Variants in AP3D1 observed in about 807,000 individuals in gnomAD.
The protein encoded by AP3D1 is AP-3 complex subunit delta-1.
In AP3D1, 51 loss-of-function variants were observed where a neutral mutation model predicts 147.6. The ratio of observed to expected loss-of-function variants is 0.35; its 90% CI spans 0.28 to 0.44. The LOEUF (loss-of-function observed/expected upper bound fraction) is 0.44. AP3D1 is among the 20% of genes least tolerant of loss of function. AP3D1 has a pLI of 1.00. For synonymous variants in AP3D1, 760 were observed against 663.0 expected, an observed-to-expected ratio of 1.15 and a Z score of -2.25; for missense variants, 1,421 against 1,624.2, an observed-to-expected ratio of 0.87 and a Z score of 2.15.
At chr19:2,121,591 C>T (rs931907285) in intron 12 of AP3D1, 143 bp downstream of exon 12, 31 of 1,218,974 alleles carry the variant, frequency 2.5e-5, no homozygotes, top group Middle Eastern at 2.9e-4. Context: ...CCAGGACTGG[C>T]GCCCCTCTGC....
At chr19:2,132,267 A>C (rs1046917806) in intron 5 of AP3D1, among the ~76,000 whole-genome samples, 1 of 152,222 alleles carries the variant, frequency 6.6e-6, no homozygotes, top group African/African-American at 2.4e-5. Flanking sequence ...AGATGATTTC[A>C]AATATCAACT....
chr19:2,119,850 G>A (rs2018561898), intron 14 of AP3D1, among the ~76,000 whole-genome samples: 1 of 152,112 alleles, frequency 6.6e-6, no homozygotes, highest in Non-Finnish European at 1.5e-5. Flanking sequence ...GCTGAAGCAG[G>A]ACAATCACTT....
chr19:2,107,332 A>G (rs1599437466), intron 31 of AP3D1, among the ~76,000 whole-genome samples: 1 of 152,124 alleles, frequency 6.6e-6, no homozygotes, highest in Non-Finnish European at 1.5e-5. Flanking sequence ...AGTAGTGAAC[A>G]TGAGCCAGAA....
At chr19:2,124,149 G>A (rs981797965) in intron 9 of AP3D1, among the ~76,000 whole-genome samples, 9 of 152,212 alleles carry the variant, frequency 5.9e-5, no homozygotes, top group Admixed American at 3.9e-4. Flanking sequence ...TGGTTCACTC[G>A]CAACCCCTGC....
intron 1 of AP3D1, among the ~76,000 whole-genome samples, chr19:2,146,030 GGC>G (rs2019347566): frequency 6.6e-6 from 1 of 152,082 alleles, no homozygotes; most frequent in African/African-American, 2.4e-5. Flanking sequence ...GTGGGGAGCG[GGC>G]GCTTTCCTGA....
intron 4 of AP3D1, among the ~76,000 whole-genome samples, chr19:2,133,206 G>T (rs564598494): frequency 6.6e-6 from 1 of 152,022 alleles, no homozygotes; most frequent in Non-Finnish European, 1.5e-5. Flanking sequence ...GTCCCTTTCC[G>T]CAACAACTGA....
chr19:2,102,415 G>A, intron 31 of AP3D1, 147 bp from the exon 32 acceptor site: 1 of 651,620 alleles, frequency 1.5e-6, no homozygotes, highest in Non-Finnish European at 2.7e-6. Context: ...TCAACACGGT[G>A]AAACCCTGTC....
intron 1 of AP3D1, among the ~76,000 whole-genome samples, chr19:2,147,298 T>C (rs1321596929): frequency 2.9e-5 from 4 of 136,970 alleles, no homozygotes; most frequent in Non-Finnish European, 4.5e-5. Context: ...TGAGCCGAGA[T>C]CGCGCCATTG....
Position 2,123,354 on chromosome 19 carries a change from T to A in AP3D1, c.955+4A>T, listed in dbSNP as rs1301914893. The A allele has an allele frequency of 6.2e-7, 1 of 1,612,866 alleles. No homozygotes were observed. The highest frequency in any genetic ancestry group is 8.5e-7 in the Non-Finnish European group (1 of 1,179,888). On this transcript the variant is annotated splice_donor_region_variant and intron_variant, in intron 11 of 31. Coordinates refer to ENST00000643116, the MANE Select transcript of AP3D1 (RefSeq NM_001261826.3). ...ATGACAGCACTGGGGAGGGGATGACTCACAGTTCTGATCGGAGTCCTCGAT... is the reference window on the plus strand; with the variant it reads ...ATGACAGCACTGGGGAGGGGATGACACACAGTTCTGATCGGAGTCCTCGAT...
chr19:2,139,437 C>T (rs942941833), intron 1 of AP3D1, among the ~76,000 whole-genome samples: 10 of 152,168 alleles, frequency 6.6e-5, no homozygotes, highest in East Asian at 1.9e-4. Flanking sequence ...TCACTAACTG[C>T]GCGTGTCTCC....
chr19:2,151,027 G>A (rs924455714), intron 1 of AP3D1, among the ~76,000 whole-genome samples: 4 of 152,258 alleles, frequency 2.6e-5, no homozygotes, highest in Non-Finnish European at 5.9e-5. Flanking sequence ...CTGCTCCAAG[G>A]CCTTCGCCCC....
chr19:2,118,021 G>A (rs1412445742), intron 15 of AP3D1, among the ~76,000 whole-genome samples: 8 of 152,284 alleles, frequency 5.3e-5, no homozygotes, highest in East Asian at 1.9e-4. Flanking sequence ...TTAGCCGGGC[G>A]TGGTGGCGGG....
At chr19:2,155,985 G>A (rs1405692862), upstream of AP3D1, among the ~76,000 whole-genome samples, 1 of 151,618 alleles carries the variant, frequency 6.6e-6, no homozygotes, top group East Asian at 1.9e-4. Flanking sequence ...CCCGGGAGGC[G>A]GAGCTTGCAG....
At chr19:2,122,468 C>T (rs972411055) in intron 11 of AP3D1, among the ~76,000 whole-genome samples, 7 of 152,226 alleles carry the variant, frequency 4.6e-5, no homozygotes, top group African/African-American at 4.8e-5. Context: ...ACGGAGAAAA[C>T]GCAGTAGTCC....
chr19:2,150,858 G>A (rs2019487947), intron 1 of AP3D1, among the ~76,000 whole-genome samples: 1 of 152,210 alleles, frequency 6.6e-6, no homozygotes, highest in Admixed American at 6.5e-5. Flanking sequence ...CAAGTCTCCT[G>A]GGAGGGTGGC....
intron 1 of AP3D1, among the ~76,000 whole-genome samples, chr19:2,143,230 ATTTTTTTTTTTTT>A (rs776434810): frequency 4.0e-5 from 3 of 74,310 alleles, no homozygotes; most frequent in African/African-American, 5.8e-5. Context: ...TGCCTGCCTA[ATTTTTTTTTTTTT>A]TTTTTTTTTT....
At chr19:2,132,405 T>C in intron 5 of AP3D1, 66 bp downstream of exon 5, 2 of 1,446,698 alleles carry the variant, frequency 1.4e-6, no homozygotes, top group Non-Finnish European at 1.9e-6. Context: ...TTCCCAGGCA[T>C]GCCACTTTGA....
intron 31 of AP3D1, among the ~76,000 whole-genome samples, chr19:2,104,498 A>ACCAATGCCCAGACC (rs1568271426): frequency 8.8e-6 from 1 of 113,126 alleles, no homozygotes; most frequent in Admixed American, 8.4e-5. Context: ...ACACCAAGAC[A>ACCAATGCCCAGACC]CCAATGCCCA....
intron 14 of AP3D1, among the ~76,000 whole-genome samples, chr19:2,119,152 C>A (rs900203229): frequency 4.6e-5 from 7 of 152,214 alleles, no homozygotes; most frequent in Admixed American, 2.0e-4. Context: ...ACAGACGGAA[C>A]CGGGAGACCC....
Sources: allele counts gnomAD v4.1 joint callset (sites outside exome capture counted in the v4.1 genomes callset), GRCh38; gene constraint gnomAD v4.1.1; transcripts MANE v1.5; gene names NCBI Gene and HGNC (gene_info 2026-07-23, HGNC 2026-07-21).